The following DIPK1C variants were observed in gnomAD, a reference collection of about 807,000 sequenced individuals.
DIPK1C encodes divergent protein kinase domain 1C.
In DIPK1C, 33 loss-of-function variants were observed where a neutral mutation model predicts 28.0. The ratio of observed to expected loss-of-function variants is 1.18; its 90% CI spans 0.89 to 1.58. The LOEUF is 1.58. Among genes scored for constraint, DIPK1C ranks in the 40% most tolerant of loss-of-function variants. The pLI is 0.00. For missense variants in DIPK1C, 569 were observed against 568.5 expected, an observed-to-expected ratio of 1.00 and a Z score of -0.01; for synonymous variants, 255 against 248.8, an observed-to-expected ratio of 1.02 and a Z score of -0.23.
At position 74,457,171 on chromosome 18, in the gene DIPK1C, G is replaced by C; in HGVS notation, c.89C>G (p.Ala30Gly). Residue 30 changes from alanine to glycine, a missense_variant, in exon 1 of 4, where the codon GCG becomes GGG. By Grantham distance (60) the Ala-to-Gly change is moderately conservative. Transcript: ENST00000343998. ...CGRGTLLAFA[A>G]WTAGWVLAAA... is the part of the protein sequence containing the mutation. ...CGCCAGCACCCAGCCCGCGGTCCAC[G>C]CGGCGAAGGCGAGGAGCGTGCCCCG... 1 of 1,365,358 alleles carries C rather than the reference G, an allele frequency of 7.3e-7. No individual in the cohort carries two copies. Among genetic ancestry groups the C allele is most frequent in the South Asian group, 1.7e-5 (1 of 60,578 alleles). 84.6% of individuals were successfully genotyped at this position (1,365,358 alleles called of 1,614,324 possible). A position where few individuals can be genotyped will look rare whatever the true frequency, so the allele number is the denominator to read the frequency against.
At chr18:74,439,984 G>A (rs1044529135) in intron 3 of DIPK1C, among the ~76,000 whole-genome samples, 5 of 137,698 alleles carry the variant, frequency 3.6e-5, no homozygotes, top group Non-Finnish European at 6.1e-5. Context: ...TCGCTCTGTT[G>A]CCCAGGCTGG....
upstream of DIPK1C, among the ~76,000 whole-genome samples, chr18:74,458,707 A>C (rs530413539): frequency 8.2e-6 from 1 of 122,272 alleles, no homozygotes; most frequent in South Asian, 2.6e-4. Context: ...CCCCACCTCC[A>C]TCCATCCCAG....
intron 2 of DIPK1C, among the ~76,000 whole-genome samples, chr18:74,445,635 C>A (rs903768773): frequency 6.6e-5 from 10 of 152,182 alleles, no homozygotes; most frequent in African/African-American, 2.4e-4. Flanking sequence ...AAGAGCACGA[C>A]CCCACCATGA....
chr18:74,442,562 C>T (rs1333544321), intron 2 of DIPK1C, among the ~76,000 whole-genome samples: 1 of 152,312 alleles, frequency 6.6e-6, no homozygotes, highest in Non-Finnish European at 1.5e-5. Flanking sequence ...ATCTCCTGAC[C>T]TCCTGATCTG....
chr18:74,461,939 T>C (rs1986624104), upstream of DIPK1C, among the ~76,000 whole-genome samples: 1 of 151,778 alleles, frequency 6.6e-6, no homozygotes, highest in South Asian at 2.1e-4. Flanking sequence ...AAAAAACTTT[T>C]TTGGTAGAGA....
chr18:74,441,621 T>C (rs1031868731), intron 3 of DIPK1C, among the ~76,000 whole-genome samples: 1 of 152,268 alleles, frequency 6.6e-6, no homozygotes, highest in Admixed American at 6.5e-5. Flanking sequence ...TTTGATGGAT[T>C]AGTCTCAGGA....
chr18:74,456,435 G>A (rs993495660), intron 1 of DIPK1C, among the ~76,000 whole-genome samples: 1 of 152,240 alleles, frequency 6.6e-6, no homozygotes, highest in African/African-American at 2.4e-5. Flanking sequence ...GGATCCTCCC[G>A]GTCCCAGCCG....
intron 2 of DIPK1C, among the ~76,000 whole-genome samples, chr18:74,442,732 A>G (rs887113427): frequency 6.6e-5 from 10 of 152,216 alleles, no homozygotes; most frequent in African/African-American, 2.4e-4. Flanking sequence ...TGGAACTATC[A>G]CCACAAGTAT....
intron 2 of DIPK1C, among the ~76,000 whole-genome samples, chr18:74,443,924 A>C (rs1986201684): frequency 6.6e-6 from 1 of 152,012 alleles, no homozygotes; most frequent in South Asian, 2.1e-4. Context: ...CCCATTTCTG[A>C]TAGTTTCCTT....
Position 74,457,189 on chromosome 18 carries a change from G to T in DIPK1C, c.71C>A (p.Thr24Lys). The change falls in exon 1 of 4, where the codon ACG becomes AAG. Residue 24 changes from threonine to lysine, a missense_variant. Coordinates refer to ENST00000343998, the MANE Select transcript of DIPK1C (RefSeq NM_001044369.3). ...CRRRGRCGRGTLLAFAAWTAG... is the reference protein window; with the variant it reads ...CRRRGRCGRGKLLAFAAWTAG... ...GGTCCACGCGGCGAAGGCGAGGAGC[G>T]TGCCCCGCCCGCAGCGCCCGCGCCT... 8.1e-7 allele frequency: 1 copy of T among 1,238,098 alleles called. No individual in the cohort carries two copies. Among genetic ancestry groups the T allele is most frequent in the East Asian group, 3.4e-5 (1 of 29,082 alleles). 76.7% of individuals were successfully genotyped at this position (1,238,098 alleles called of 1,614,324 possible).
chr18:74,439,071 T>TC (rs1986061330), intron 3 of DIPK1C, among the ~76,000 whole-genome samples: 1 of 144,924 alleles, frequency 6.9e-6, no homozygotes, highest in Admixed American at 6.6e-5. Flanking sequence ...AATTTGCTCC[T>TC]TTTTTTTGTA....
chr18:74,463,435 A>G, the DIPK1C span, among the ~76,000 whole-genome samples: 1 of 152,176 alleles, frequency 6.6e-6, no homozygotes, highest in African/African-American at 2.4e-5. Flanking sequence ...CATTGGGACT[A>G]AGCTTTAGGA....
At chr18:74,439,939 G>A (rs1378058242) in intron 3 of DIPK1C, among the ~76,000 whole-genome samples, 5 of 146,980 alleles carry the variant, frequency 3.4e-5, no homozygotes, top group Non-Finnish European at 7.4e-5. Context: ...ATAAGGGATC[G>A]TATACTTTTT....
chr18:74,458,337 C>T (rs1485210538), upstream of DIPK1C, among the ~76,000 whole-genome samples: 1 of 152,220 alleles, frequency 6.6e-6, no homozygotes, highest in Admixed American at 6.5e-5. Flanking sequence ...ATCGCTCTCC[C>T]GCCTGCCCTG....
At chr18:74,453,223 G>C (rs546326914) in intron 1 of DIPK1C, among the ~76,000 whole-genome samples, 80 of 152,172 alleles carry the variant, frequency 5.3e-4, no homozygotes, top group Non-Finnish European at 8.1e-4. Context: ...CTGTTGATAA[G>C]GTCCCAGAGG....
At chr18:74,460,789 T>G (rs1357856549), upstream of DIPK1C, among the ~76,000 whole-genome samples, 2 of 152,240 alleles carry the variant, frequency 1.3e-5, no homozygotes, top group African/African-American at 4.8e-5. Flanking sequence ...CATTCATTCA[T>G]GCATTCATTC....
At chr18:74,442,549 TC>T (rs1413864982) in intron 2 of DIPK1C, among the ~76,000 whole-genome samples, 2 of 152,218 alleles carry the variant, frequency 1.3e-5, no homozygotes, top group Admixed American at 1.3e-4. Context: ...CAGGATGGTC[TC>T]GATCTCCTGA....
At chr18:74,437,997 T>A (rs1986036340) in intron 3 of DIPK1C, among the ~76,000 whole-genome samples, 1 of 152,220 alleles carries the variant, frequency 6.6e-6, no homozygotes, top group Admixed American at 6.5e-5. Context: ...GTTCAAGCGA[T>A]CCTCCTGCCT....
At chr18:74,441,891 T>C (rs1009809643) in intron 3 of DIPK1C, 61 bp downstream of exon 3, 3 of 1,552,276 alleles carry the variant, frequency 1.9e-6, no homozygotes, top group Admixed American at 1.8e-5. Context: ...TCTGAAGAGC[T>C]AGCGGGCAGA....
Sources: allele counts gnomAD v4.1 joint callset (sites outside exome capture counted in the v4.1 genomes callset), GRCh38; gene constraint gnomAD v4.1.1; transcripts MANE v1.5; gene names NCBI Gene and HGNC (gene_info 2026-07-23, HGNC 2026-07-21).